NEGR1: variants seen among roughly 807,000 people sequenced by gnomAD.
NEGR1 encodes the protein neuronal growth regulator 1, also known as IgLON family member 4.
Under a neutral mutation model 40.9 loss-of-function variants are expected in NEGR1, and 10 were observed. The observed-to-expected ratio is 0.24, with a 90% CI of 0.15 to 0.42. The LOEUF (loss-of-function observed/expected upper bound fraction) is 0.42, where lower values mean the gene tolerates loss of function less well. Ranked by LOEUF, NEGR1 falls within the 10% of genes least tolerant of loss-of-function variation. The pLI is 1.00. For missense variants in NEGR1, 352 were observed against 438.9 expected, an observed-to-expected ratio of 0.80 and a Z score of 1.77; for synonymous variants, 185 against 166.8, an observed-to-expected ratio of 1.11 and a Z score of -0.84.
At chr1:72,008,373 C>T (rs1435509980) in intron 1 of NEGR1, among the ~76,000 whole-genome samples, 1 of 152,098 alleles carries the variant, frequency 6.6e-6, no homozygotes, top group Non-Finnish European at 1.5e-5. Context: ...ACTTATTTTT[C>T]TCTTGTGACC....
intron 6 of NEGR1, among the ~76,000 whole-genome samples, chr1:71,513,309 T>A (rs1027826557): frequency 9.8e-5 from 15 of 152,324 alleles, no homozygotes; most frequent in African/African-American, 3.4e-4. Flanking sequence ...AAAAGTGAGT[T>A]ATGAGGAAAA....
At chr1:71,943,100 A>T (rs1645985645) in intron 1 of NEGR1, among the ~76,000 whole-genome samples, 1 of 147,158 alleles carries the variant, frequency 6.8e-6, no homozygotes, top group African/African-American at 2.5e-5. Flanking sequence ...ACATACATAT[A>T]TATGTATATT....
At chr1:71,998,436 C>A (rs569088484) in intron 1 of NEGR1, among the ~76,000 whole-genome samples, 63 of 152,000 alleles carry the variant, frequency 4.1e-4, no homozygotes, top group African/African-American at 1.4e-3. Context: ...GACTTCAAGA[C>A]CTTTCATAAC....
chr1:71,854,297 T>C (rs1659696679), intron 2 of NEGR1, among the ~76,000 whole-genome samples: 1 of 152,122 alleles, frequency 6.6e-6, no homozygotes, highest in African/African-American at 2.4e-5. Flanking sequence ...CTATGTGCTC[T>C]TATACTTCGG....
intron 1 of NEGR1, among the ~76,000 whole-genome samples, chr1:72,226,193 G>T (rs1343310362): frequency 6.6e-6 from 1 of 151,780 alleles, no homozygotes; most frequent in African/African-American, 2.4e-5. Flanking sequence ...ACACAGTCTG[G>T]ATTTCTTATT....
At chr1:72,112,266 T>TA (rs34709497) in intron 1 of NEGR1, among the ~76,000 whole-genome samples, 27 of 149,710 alleles carry the variant, frequency 1.8e-4, no homozygotes, top group African/African-American at 4.2e-4. Flanking sequence ...CTTTTACGTT[T>TA]AAAAAAAAAA....
At chr1:72,046,644 C>T (rs913164456) in intron 1 of NEGR1, among the ~76,000 whole-genome samples, 5 of 151,486 alleles carry the variant, frequency 3.3e-5, no homozygotes, top group Admixed American at 1.3e-4. Flanking sequence ...ACAAACAAAT[C>T]TAAGGACACT....
intron 1 of NEGR1, among the ~76,000 whole-genome samples, chr1:72,103,643 A>C (rs1259982661): frequency 6.6e-6 from 1 of 152,096 alleles, no homozygotes; most frequent in East Asian, 1.9e-4. Flanking sequence ...CTGGACTCAG[A>C]CCTGTTTCAG....
Position 71,984,045 on chromosome 1 carries a change from C to A in NEGR1, c.177-48734G>T, listed in dbSNP as rs1646375617. On this transcript the variant is annotated intron_variant, in intron 1 of 6. Coordinates refer to ENST00000357731, the MANE Select transcript of NEGR1 (RefSeq NM_173808.3). ...GTCTCTGAAAGATGTTATGCCATTC[C>A]ATTTTACCATGTAAAGCTAGCCCCC... Among the ~76,000 whole-genome samples, 3 of 128,622 alleles carry A rather than the reference C, an allele frequency of 2.3e-5. 1 individual carries two copies. Among genetic ancestry groups the A allele is most frequent in the Non-Finnish European group, 5.3e-5 (3 of 56,902 alleles). 84.4% of individuals were successfully genotyped at this position (128,622 alleles called of 152,430 possible).
intron 6 of NEGR1, among the ~76,000 whole-genome samples, chr1:71,498,919 A>G (rs1646982540): frequency 6.6e-6 from 1 of 152,080 alleles, no homozygotes; most frequent in Non-Finnish European, 1.5e-5. Context: ...CATCATTTTC[A>G]TCTCTTGGAT....
At chr1:71,963,151 C>T (rs12024769) in intron 1 of NEGR1, among the ~76,000 whole-genome samples, 65,346 of 151,614 alleles carry the variant, frequency 0.43, 14,653 homozygotes, top group Middle Eastern at 0.58. Context: ...TACTAAAAAA[C>T]AGCTTGCTTG....
chr1:72,193,641 G>A (rs1316516150), intron 1 of NEGR1, among the ~76,000 whole-genome samples: 1 of 134,610 alleles, frequency 7.4e-6, no homozygotes, highest in East Asian at 2.0e-4. Flanking sequence ...TTCTAACTCA[G>A]TATAAGAAAT....
intron 3 of NEGR1, among the ~76,000 whole-genome samples, chr1:71,766,554 T>G (rs1656140064): frequency 6.6e-6 from 1 of 152,222 alleles, no homozygotes; most frequent in Non-Finnish European, 1.5e-5. Context: ...TGAACATGTC[T>G]GGATATTCCA....
intron 3 of NEGR1, among the ~76,000 whole-genome samples, chr1:71,737,994 C>T (rs1655093582): frequency 6.6e-6 from 1 of 152,120 alleles, no homozygotes; most frequent in Non-Finnish European, 1.5e-5. Context: ...TATCCATCTG[C>T]ATAACTAAGG....
intron 2 of NEGR1, among the ~76,000 whole-genome samples, chr1:71,801,825 AATAAGGAC>A (rs1657573468): frequency 6.6e-6 from 1 of 152,216 alleles, no homozygotes; most frequent in Non-Finnish European, 1.5e-5. Context: ...TGTTAGCAGA[AATAAGGAC>A]ATTAAAGGTG....
At chr1:72,107,996 T>A (rs1295203695) in intron 1 of NEGR1, among the ~76,000 whole-genome samples, 8 of 151,576 alleles carry the variant, frequency 5.3e-5, no homozygotes, top group African/African-American at 1.9e-4. Flanking sequence ...TGTCTAATAA[T>A]TTTTTTAAGT....
chr1:72,089,835 A>T (rs762506755), intron 1 of NEGR1, among the ~76,000 whole-genome samples: 18 of 152,154 alleles, frequency 1.2e-4, no homozygotes, highest in Admixed American at 4.6e-4. Context: ...ATCAGTGATT[A>T]ATTTTAAATT....
At chr1:71,603,305 T>G (rs1389134748) in intron 5 of NEGR1, among the ~76,000 whole-genome samples, 5 of 152,192 alleles carry the variant, frequency 3.3e-5, no homozygotes, top group Non-Finnish European at 5.9e-5. Context: ...CTGCCTACAT[T>G]GGTAAGAACC....
intron 1 of NEGR1, among the ~76,000 whole-genome samples, chr1:72,129,646 G>A (rs1280386594): frequency 6.6e-6 from 1 of 152,178 alleles, no homozygotes; most frequent in Non-Finnish European, 1.5e-5. Flanking sequence ...CAAGTAGGGA[G>A]ATGTTTAGGG....
Sources: allele counts gnomAD v4.1 joint callset (sites outside exome capture counted in the v4.1 genomes callset), GRCh38; gene constraint gnomAD v4.1.1; transcripts MANE v1.5; gene names NCBI Gene and HGNC (gene_info 2026-07-23, HGNC 2026-07-21).